SLC28A3: variants seen among roughly 807,000 people sequenced by gnomAD.
The protein encoded by SLC28A3 is concentrative Na(+)-nucleoside cotransporter 3.
SLC28A3 carries 68 observed loss-of-function variants against 84.2 expected under a neutral mutation model. The ratio of observed to expected loss-of-function variants is 0.81; its 90% CI spans 0.66 to 0.99. SLC28A3 has a LOEUF of 0.99. SLC28A3 is among the 50% of genes least tolerant of loss of function. The pLI, the probability that SLC28A3 is intolerant of heterozygous loss-of-function variation, is 0.00. For synonymous variants in SLC28A3, 267 were observed against 303.6 expected (o/e 0.88, Z 1.25); for missense variants, 712 against 841.5 (o/e 0.85, Z 1.90).
At chr9:84,298,225 G>C (rs530696417) in intron 6 of SLC28A3, among the ~76,000 whole-genome samples, 1 of 152,274 alleles carries the variant, frequency 6.6e-6, no homozygotes, top group Non-Finnish European at 1.5e-5. Context: ...AGTGGCTCAT[G>C]CCTGTAATCC....
chr9:84,298,212 C>T (rs545310557), intron 6 of SLC28A3, among the ~76,000 whole-genome samples, 193 bp from the exon 7 acceptor site: 10 of 152,260 alleles, frequency 6.6e-5, no homozygotes, highest in Admixed American at 1.3e-4. Context: ...TCAGGCCAGG[C>T]GCAGTGGCTC....
the SLC28A3 span, among the ~76,000 whole-genome samples, chr9:84,363,231 A>G: frequency 1.3e-5 from 2 of 152,202 alleles, no homozygotes; most frequent in Admixed American, 6.5e-5. Context: ...ATGTTCTTAT[A>G]TTAGGAGATT....
chr9:84,319,490 C>G (rs537915863), intron 1 of SLC28A3, among the ~76,000 whole-genome samples: 146 of 152,032 alleles, frequency 9.6e-4, no homozygotes, highest in Admixed American at 1.8e-3. Context: ...CATGGTGAAC[C>G]CTTGTCTCTC....
At chr9:84,305,822 T>G in intron 3 of SLC28A3, among the ~76,000 whole-genome samples, 1 of 152,204 alleles carries the variant, frequency 6.6e-6, no homozygotes, top group East Asian at 1.9e-4. Context: ...ACCATCCCCG[T>G]TAGTCCAAAA....
chr9:84,337,855 G>A (rs17087134), intron 1 of SLC28A3, among the ~76,000 whole-genome samples: 6,085 of 152,106 alleles, frequency 0.04, 207 homozygotes, highest in East Asian at 0.092. Flanking sequence ...CATGTATGAA[G>A]TGTGCTCTAG....
At chr9:84,309,795 G>C (rs901049565) in intron 2 of SLC28A3, 81 bp from the exon 3 acceptor site, 1 of 1,208,314 alleles carries the variant, frequency 8.3e-7, no homozygotes, top group Admixed American at 1.9e-5. Context: ...CTCAGAACTC[G>C]GGCAAAGAAC....
the SLC28A3 span, among the ~76,000 whole-genome samples, chr9:84,351,232 A>C: frequency 2.0e-5 from 3 of 152,316 alleles, no homozygotes; most frequent in Non-Finnish European, 4.4e-5. Context: ...GATCATCAAG[A>C]TGTCACTACG....
chr9:84,280,105 A>AATG lies in SLC28A3; in HGVS notation c.1730-35_1730-33dup, dbSNP rs752230243. The AATG allele has an allele frequency of 3.1e-6, 5 of 1,598,202 alleles. No homozygotes were observed. In the South Asian group the frequency reaches 4.4e-5, roughly 14 times the overall value. On this transcript the variant is annotated intron_variant, in intron 15 of 17. Transcript: ENST00000376238. ...AACATGGAAGGAGGGATGTGAGATC[A>AATG]ATGTTGAAGTACTGATTAAAACTCT...
chr9:84,343,146 C>T (rs556911319), upstream of SLC28A3, among the ~76,000 whole-genome samples: 13 of 151,482 alleles, frequency 8.6e-5, no homozygotes, highest in East Asian at 2.1e-3. Context: ...ATCACGCCAC[C>T]GCACTCCAGA....
At chr9:84,305,231 C>A (rs546233147) in intron 4 of SLC28A3, 23 bp downstream of exon 4, 2 of 1,553,198 alleles carry the variant, frequency 1.3e-6, no homozygotes, top group South Asian at 1.2e-5. Flanking sequence ...ACAGTGGTAT[C>A]CCTAACCATC....
chr9:84,297,065 A>G (rs966271875), intron 8 of SLC28A3, among the ~76,000 whole-genome samples, 156 bp downstream of exon 8: 1 of 152,216 alleles, frequency 6.6e-6, no homozygotes, highest in African/African-American at 2.4e-5. Context: ...TTCAGATAAC[A>G]TTGTCAGTGG....
At chr9:84,347,775 T>C in the SLC28A3 span, among the ~76,000 whole-genome samples, 1 of 152,188 alleles carries the variant, frequency 6.6e-6, no homozygotes, top group Non-Finnish European at 1.5e-5. Context: ...GGCAGGAATT[T>C]TACCCATCTT....
chr9:84,297,995 C>G lies in SLC28A3; in HGVS notation c.694G>C (p.Gly232Arg). 6.2e-7 allele frequency: 1 copy of G among 1,612,066 alleles called. No individual in the cohort carries two copies. Among genetic ancestry groups the G allele is most frequent in the Non-Finnish European group, 8.5e-7 (1 of 1,179,534 alleles). ...CCAAGAAGAAACTGTAGCCCGATTC[C>G]CCATAAGACAGGTCTCCAGTAAACC... ...TRVYWRPVLW[G>R]IGLQFLLGLL... is the part of the protein sequence containing the mutation. The change falls in exon 7 of 18, where the codon GGA becomes CGA. Residue 232 changes from glycine to arginine, a missense_variant. Coordinates refer to ENST00000376238, the MANE Select transcript of SLC28A3 (RefSeq NM_001199633.2).
At chr9:84,280,198 A>AG in intron 15 of SLC28A3, 125 bp from the exon 16 acceptor site, 1 of 711,516 alleles carries the variant, frequency 1.4e-6, no homozygotes, top group Non-Finnish European at 2.2e-6. Flanking sequence ...TCTTTAACTT[A>AG]GCTGGGAAAT....
At chr9:84,352,426 G>T in the SLC28A3 span, among the ~76,000 whole-genome samples, 1 of 151,690 alleles carries the variant, frequency 6.6e-6, no homozygotes, top group Non-Finnish European at 1.5e-5. Flanking sequence ...CTCATGATCC[G>T]CCTGCCTGTG....
the SLC28A3 span, among the ~76,000 whole-genome samples, chr9:84,362,332 G>T: frequency 2.6e-5 from 4 of 152,178 alleles, no homozygotes; most frequent in African/African-American, 9.7e-5. Flanking sequence ...CAGAGCTAAA[G>T]ATAGAAATTT....
chr9:84,289,129 T>C (rs905765890), intron 11 of SLC28A3, among the ~76,000 whole-genome samples: 1 of 152,150 alleles, frequency 6.6e-6, no homozygotes, highest in African/African-American at 2.4e-5. Context: ...AACACCTCCC[T>C]CCCTGTTCCT....
chr9:84,349,701 G>GT, the SLC28A3 span, among the ~76,000 whole-genome samples: 1 of 152,186 alleles, frequency 6.6e-6, no homozygotes, highest in Non-Finnish European at 1.5e-5. Context: ...GTTCAGTAGG[G>GT]TAAGTATGTT....
intron 17 of SLC28A3, 108 bp downstream of exon 17, chr9:84,279,157 A>G (rs1156437133): frequency 9.0e-7 from 1 of 1,113,744 alleles, no homozygotes; most frequent in Non-Finnish European, 1.2e-6. Flanking sequence ...TGGGAGACAG[A>G]GCAAGACTCC....
Sources: allele counts gnomAD v4.1 joint callset (sites outside exome capture counted in the v4.1 genomes callset), GRCh38; gene constraint gnomAD v4.1.1; transcripts MANE v1.5; gene names NCBI Gene and HGNC (gene_info 2026-07-23, HGNC 2026-07-21).